The following PRNP variants were observed in gnomAD, a reference collection of about 807,000 sequenced individuals.
The protein encoded by PRNP is major prion protein.
In PRNP, 15 loss-of-function variants were observed where a neutral mutation model predicts 21.3. That is an observed-to-expected ratio of 0.71 (90% CI 0.47 to 1.09). The LOEUF is 1.09. Among genes scored for constraint, PRNP ranks in the 50% least tolerant of loss-of-function variants. PRNP has a pLI of 0.00. For missense variants in PRNP, 285 were observed against 340.9 expected (o/e 0.84, Z 1.29); for synonymous variants, 121 against 123.1 (o/e 0.98, Z 0.11).
Position 4,701,029 on chromosome 20 carries a change from A to G in PRNP, c.*1047A>G, listed in dbSNP as rs556627236. 17 of 167,004 alleles carry G rather than the reference A, an allele frequency of 1.0e-4. No homozygotes were observed. In the South Asian group the frequency reaches 3.3e-3, roughly 33 times the overall value. The allele number at this position is 167,004 out of a possible 1,614,324, so 10.3% of individuals were successfully genotyped here. On this transcript the variant is annotated 3_prime_UTR_variant, in exon 2 of 2. Transcript: ENST00000379440. The surrounding 1 kb of genome is among the most constrained non-coding windows in gnomAD (Gnocchi z 4.2). ...CAAAAACCAGAATTAGGTCAAGTTC[A>G]TAGTTTCTGTAATTGGCTTTTGAAT... is the stretch of plus-strand genomic sequence containing the variant.
intron 1 of PRNP, among the ~76,000 whole-genome samples, chr20:4,687,377 C>T (rs1008362786): frequency 6.6e-6 from 1 of 152,186 alleles, no homozygotes; most frequent in South Asian, 2.1e-4. Flanking sequence ...TGGCCAGTCA[C>T]ATTCCTCCCA....
chr20:4,686,887 G>C lies in PRNP; in HGVS notation c.-11+375G>C, dbSNP rs1330654647. On this transcript the variant is annotated intron_variant, in intron 1 of 1. Coordinates refer to ENST00000379440, the MANE Select transcript of PRNP (RefSeq NM_000311.5). This position sits in a 1 kb window ranked among gnomAD's most constrained non-coding sequence, Gnocchi z 6.7. ...CGATCGCTGGCGCCCAGGGAACTCC[G>C]GGAGGGCCGCCAGCGGGCTCCGCAG... Among the ~76,000 whole-genome samples, 1 of 151,556 alleles carries C rather than the reference G, an allele frequency of 6.6e-6. No individual in the cohort carries two copies. Among genetic ancestry groups the C allele is most frequent in the Non-Finnish European group, 1.5e-5 (1 of 67,828 alleles).
chr20:4,700,272 T>A lies in PRNP; in HGVS notation c.*290T>A. On this transcript the variant is annotated 3_prime_UTR_variant, in exon 2 of 2. Transcript: ENST00000379440. The surrounding 1 kb of genome is among the most constrained non-coding windows in gnomAD (Gnocchi z 4.1). ...AATCTGGACTTATTTTTGGACTTAG[T>A]GCAACAGGTTGAGGCTAAAACAAAT... 3 of 859,606 alleles carry A rather than the reference T, an allele frequency of 3.5e-6. No homozygotes were observed. Among genetic ancestry groups the A allele is most frequent in the Non-Finnish European group, 5.4e-6 (3 of 555,370 alleles). 53.2% of individuals were successfully genotyped at this position (859,606 alleles called of 1,614,324 possible).
At chr20:4,696,705 C>T (rs1355849911) in intron 1 of PRNP, among the ~76,000 whole-genome samples, 1 of 152,208 alleles carries the variant, frequency 6.6e-6, no homozygotes, top group Non-Finnish European at 1.5e-5. Context: ...TAGTAATAAA[C>T]AGGTATTGAC....
chr20:4,688,621 T>C (rs1921625535), intron 1 of PRNP, among the ~76,000 whole-genome samples: 1 of 152,170 alleles, frequency 6.6e-6, no homozygotes, highest in Non-Finnish European at 1.5e-5. Flanking sequence ...AGAGCCTAAA[T>C]GTATAACACC....
intron 1 of PRNP, among the ~76,000 whole-genome samples, chr20:4,693,912 C>T (rs1382294759): frequency 6.9e-6 from 1 of 145,290 alleles, no homozygotes; most frequent in Non-Finnish European, 1.5e-5. Flanking sequence ...GCCTGGGCAA[C>T]ATGGCAAGAC....
rs1922534444 is a variant in PRNP at position 4,700,498 on chromosome 20, A to G, written c.*516A>G. 6.3e-6 allele frequency: 2 copies of G among 319,610 alleles called. No individual in the cohort carries two copies. The highest frequency in any genetic ancestry group is 1.3e-5 in the Non-Finnish European group (2 of 156,914). 19.8% of individuals were successfully genotyped at this position (319,610 alleles called of 1,614,324 possible). A position where few individuals can be genotyped will look rare whatever the true frequency, so the allele number is the denominator to read the frequency against. ...ATTCAAAAAAATCCTAGAGATTCTT[A>G]GCTCTTGGGATGCAGGCTCAGCCCG... On this transcript the variant is annotated 3_prime_UTR_variant, in exon 2 of 2. Coordinates refer to ENST00000379440, the MANE Select transcript of PRNP (RefSeq NM_000311.5). The surrounding 1 kb of genome is among the most constrained non-coding windows in gnomAD (Gnocchi z 4.1).
rs551597060 is a variant in PRNP, at chr20:4,697,284, A to C, written c.-10-1927A>C. On this transcript the variant is annotated intron_variant, in intron 1 of 1. Coordinates refer to ENST00000379440, the MANE Select transcript of PRNP (RefSeq NM_000311.5). The surrounding 1 kb of genome is among the most constrained non-coding windows in gnomAD (Gnocchi z 4.6). ...TTCATTTATCCAGCATTTATTTTGC[A>C]TGTCTATGGGTCAAGCGCTCTGTCT... 3.7e-4 allele frequency among the ~76,000 whole-genome samples: 56 copies of C among 152,192 alleles called. 2 individuals are homozygous for C. In the South Asian group the frequency reaches 0.011, roughly 29 times the overall value.
chr20:4,696,847 A>T (rs1216502427), intron 1 of PRNP, among the ~76,000 whole-genome samples: 1 of 151,366 alleles, frequency 6.6e-6, no homozygotes, highest in Non-Finnish European at 1.5e-5. Context: ...ACCCATCTCC[A>T]CTCCAAAGTT....
Position 4,699,907 on chromosome 20 carries a change from A to C in PRNP, c.687A>C (p.Gly229=), listed in dbSNP as rs747901028. 1 of 1,613,568 alleles carries C rather than the reference A, an allele frequency of 6.2e-7. No homozygotes were observed. Among genetic ancestry groups the C allele is most frequent in the African/African-American group, 1.3e-5 (1 of 74,782 alleles). The change falls in exon 2 of 2, where the codon GGA becomes GGC. Residue 229 remains glycine, a synonymous_variant. Transcript: ENST00000379440. This position sits in a 1 kb window ranked among gnomAD's most constrained non-coding sequence, Gnocchi z 5.8. ...ERESQAYYQR[G]SSMVLFSSPP... ...AATCTCAGGCCTATTACCAGAGAGG[A>C]TCGAGCATGGTCCTCTTCTCCTCTC...
chr20:4,693,814 C>T (rs537499596), intron 1 of PRNP, among the ~76,000 whole-genome samples: 1 of 151,898 alleles, frequency 6.6e-6, no homozygotes, highest in South Asian at 2.1e-4. Context: ...TGTGGGTCAC[C>T]TATATATAGC....
chr20:4,692,342 A>G (rs1921882357), intron 1 of PRNP, among the ~76,000 whole-genome samples: 1 of 152,162 alleles, frequency 6.6e-6, no homozygotes, highest in Non-Finnish European at 1.5e-5. Context: ...GGACTCACTG[A>G]GTTTTGATTT....
chr20:4,701,046 C>G lies in PRNP; in HGVS notation c.*1064C>G, dbSNP rs865864855. 1 of 166,608 alleles carries G rather than the reference C, an allele frequency of 6.0e-6. No individual in the cohort carries two copies. 10.3% of individuals were successfully genotyped at this position (166,608 alleles called of 1,614,324 possible). ...TCAAGTTCATAGTTTCTGTAATTGG[C>G]TTTTGAATCAAAGAATAGGGAGACA... On this transcript the variant is annotated 3_prime_UTR_variant, in exon 2 of 2. Transcript: ENST00000379440. The surrounding 1 kb of genome is among the most constrained non-coding windows in gnomAD (Gnocchi z 4.2).
At chr20:4,687,415 TG>T (rs952710556) in intron 1 of PRNP, among the ~76,000 whole-genome samples, 6 of 152,146 alleles carry the variant, frequency 3.9e-5, no homozygotes, top group Admixed American at 6.5e-5. Context: ...ACGCTGGCCA[TG>T]GGGGGCTCCA....
intron 1 of PRNP, among the ~76,000 whole-genome samples, chr20:4,687,125 C>T (rs1921498809): frequency 6.6e-6 from 1 of 152,200 alleles, no homozygotes; most frequent in Admixed American, 6.5e-5. Context: ...CTGCAGCGTT[C>T]CTCCCGGGAG....
At position 4,699,165 on chromosome 20, in the gene PRNP, T is replaced by C. The variant is rs894132596; in HGVS notation, c.-10-46T>C. On this transcript the variant is annotated intron_variant, in intron 1 of 1. Transcript: ENST00000379440. The surrounding 1 kb of genome is among the most constrained non-coding windows in gnomAD (Gnocchi z 5.8). ...CATTATGCAGGAAACATTTAGTAATTTCAACATAAATATGGGACTCTGACG... is the reference window on the plus strand; with the variant it reads ...CATTATGCAGGAAACATTTAGTAATCTCAACATAAATATGGGACTCTGACG... The C allele has an allele frequency of 1.0e-5, 16 of 1,606,108 alleles. No homozygotes were observed. Among genetic ancestry groups the C allele is most frequent in the Non-Finnish European group, 1.3e-5 (15 of 1,173,518 alleles).
chr20:4,694,414 A>G lies in PRNP; in HGVS notation c.-10-4797A>G, dbSNP rs540409576. 2.0e-5 allele frequency among the ~76,000 whole-genome samples: 3 copies of G among 152,334 alleles called. No homozygotes were observed. The East Asian group carries it at 5.8e-4, about 29-fold the overall frequency. ...AATATTTCTTAAATGAATTAATTCT[A>G]AAGTTGATTTTTATAATTTACATCT... On this transcript the variant is annotated intron_variant, in intron 1 of 1. Coordinates refer to ENST00000379440, the MANE Select transcript of PRNP (RefSeq NM_000311.5).
At position 4,699,662 on chromosome 20, in the gene PRNP, C is replaced by T. The variant is rs750548556; in HGVS notation, c.442C>T (p.Arg148Cys). ...ACATTTCGGCAGTGACTATGAGGAC[C>T]GTTACTATCGTGAAAACATGCACCG... is the stretch of plus-strand genomic sequence containing the variant. ...IIHFGSDYED[R>C]YYRENMHRYP... The change falls in exon 2 of 2, where the codon CGT becomes TGT. Residue 148 changes from arginine to cysteine, a missense_variant. Coordinates refer to ENST00000379440, the MANE Select transcript of PRNP (RefSeq NM_000311.5). The surrounding 1 kb of genome is among the most constrained non-coding windows in gnomAD (Gnocchi z 5.8). 6.8e-6 allele frequency: 11 copies of T among 1,614,036 alleles called. No homozygotes were observed. The highest frequency in any genetic ancestry group is 2.2e-5 in the East Asian group (1 of 44,870).
Position 4,699,961 on chromosome 20 carries a change from C to T in PRNP, c.741C>T (p.Leu247=), listed in dbSNP as rs965772168. The T allele has an allele frequency of 6.2e-7, 1 of 1,612,774 alleles. No homozygotes were observed. The highest frequency in any genetic ancestry group is 8.5e-7 in the Non-Finnish European group (1 of 1,179,316). ...SPPVILLISF[L]IFLIVG is the part of the protein sequence containing the mutation. ...CTGTGATCCTCCTGATCTCTTTCCT[C>T]ATCTTCCTGATAGTGGGATGAGGAA... Residue 247 remains leucine (L), a synonymous_variant, in exon 2 of 2, where the codon CTC becomes CTT. Coordinates refer to ENST00000379440, the MANE Select transcript of PRNP (RefSeq NM_000311.5). This position sits in a 1 kb window ranked among gnomAD's most constrained non-coding sequence, Gnocchi z 5.8.
Sources: allele counts gnomAD v4.1 joint callset (sites outside exome capture counted in the v4.1 genomes callset), GRCh38; gene constraint gnomAD v4.1.1; non-coding constraint Gnocchi (gnomAD v3.1); transcripts MANE v1.5; gene names NCBI Gene and HGNC (gene_info 2026-07-23, HGNC 2026-07-21).